NRXN3: variants seen among roughly 807,000 people sequenced by gnomAD.
The protein encoded by NRXN3 is neurexin III.
NRXN3 carries 32 observed loss-of-function variants against 137.6 expected under a neutral mutation model. That is an observed-to-expected ratio of 0.23 (90% CI 0.18 to 0.31). NRXN3 has a LOEUF of 0.31. Among genes scored for constraint, NRXN3 ranks in the 10% least tolerant of loss-of-function variants. NRXN3 has a pLI of 1.00. For synonymous variants in NRXN3, 798 were observed against 784.5 expected (o/e 1.02, Z -0.29); for missense variants, 1,574 against 2,062.5 (o/e 0.76, Z 4.59).
At chr14:78,664,918 GT>G (rs1381010259) in intron 6 of NRXN3, among the ~76,000 whole-genome samples, 1 of 152,160 alleles carries the variant, frequency 6.6e-6, no homozygotes, top group Non-Finnish European at 1.5e-5. Context: ...TAGAATTATT[GT>G]TCCAAAGTTC....
chr14:78,378,517 A>T (rs2088362191), intron 4 of NRXN3, among the ~76,000 whole-genome samples: 1 of 151,930 alleles, frequency 6.6e-6, no homozygotes. Flanking sequence ...AAATCATTAA[A>T]CCAAATGAAA....
intron 11 of NRXN3, among the ~76,000 whole-genome samples, chr14:78,962,232 A>C (rs1447179058): frequency 6.6e-6 from 1 of 152,240 alleles, no homozygotes; most frequent in African/African-American, 2.4e-5. Context: ...CAAACTGCTT[A>C]ACCTCTGCAA....
At chr14:79,352,094 G>T (rs537501423) in intron 15 of NRXN3, among the ~76,000 whole-genome samples, 4 of 152,314 alleles carry the variant, frequency 2.6e-5, no homozygotes, top group East Asian at 3.9e-4. Flanking sequence ...CAAATAAATT[G>T]CTGGAGCAGG....
intron 8 of NRXN3, among the ~76,000 whole-genome samples, chr14:78,754,439 C>A (rs549425912): frequency 6.6e-6 from 1 of 152,290 alleles, no homozygotes; most frequent in South Asian, 2.1e-4. Context: ...ACAGGCTTTG[C>A]ACATTCTCTT....
intron 4 of NRXN3, among the ~76,000 whole-genome samples, chr14:78,549,126 G>T (rs1472101310): frequency 2.6e-5 from 4 of 152,084 alleles, no homozygotes; most frequent in South Asian, 2.1e-4. Context: ...ATGTTTTTTG[G>T]TGTGCTGTCA....
At chr14:79,290,623 A>G (rs1438965205) in intron 15 of NRXN3, among the ~76,000 whole-genome samples, 1 of 151,804 alleles carries the variant, frequency 6.6e-6, no homozygotes, top group Non-Finnish European at 1.5e-5. Flanking sequence ...AAGAGGAACT[A>G]AAGAGATTCC....
intron 16 of NRXN3, among the ~76,000 whole-genome samples, chr14:79,518,217 A>G (rs533281745): frequency 1.1e-4 from 17 of 151,648 alleles, no homozygotes; most frequent in African/African-American, 3.1e-4. Context: ...CTTTTCTTTT[A>G]TATTTTTTTA....
In NRXN3 at chr14:79,471,780, G is replaced by T. The variant is rs370939714; in HGVS notation, c.3444+4378G>T. ...TTGTGTCCTAGATTGAGTAACTGGG[G>T]CAAATGAAGAAAGGGTCACCAAGAC... On this transcript the variant is annotated intron_variant, in intron 16 of 20. Coordinates refer to ENST00000335750, the MANE Select transcript of NRXN3 (RefSeq NM_001330195.2). 1.4e-4 allele frequency among the ~76,000 whole-genome samples: 21 copies of T among 152,224 alleles called. No homozygotes were observed. The South Asian group carries it at 2.3e-3, about 17-fold the overall frequency.
At chr14:79,395,470 G>T (rs768037204) in intron 15 of NRXN3, among the ~76,000 whole-genome samples, 1 of 152,068 alleles carries the variant, frequency 6.6e-6, no homozygotes, top group Non-Finnish European at 1.5e-5. Context: ...GCTAAGCCTA[G>T]TAAAAGATGT....
chr14:79,414,518 T>A (rs1307053593), intron 15 of NRXN3, among the ~76,000 whole-genome samples: 2 of 152,124 alleles, frequency 1.3e-5, no homozygotes, highest in Non-Finnish European at 2.9e-5. Flanking sequence ...GTTAAAGCAA[T>A]CGTAGCAAAA....
At chr14:79,793,976 A>G (rs1003343747) in intron 19 of NRXN3, among the ~76,000 whole-genome samples, 1 of 152,194 alleles carries the variant, frequency 6.6e-6, no homozygotes, top group Non-Finnish European at 1.5e-5. Flanking sequence ...TGATGCATGC[A>G]CATTCTACCA....
chr14:79,430,541 A>G (rs1245206323), intron 15 of NRXN3, among the ~76,000 whole-genome samples: 1 of 152,174 alleles, frequency 6.6e-6, no homozygotes, highest in Admixed American at 6.5e-5. Flanking sequence ...AATGAATCAT[A>G]AAGGTCACAT....
chr14:78,624,548 A>C (rs2097436324), intron 4 of NRXN3, among the ~76,000 whole-genome samples: 1 of 152,198 alleles, frequency 6.6e-6, no homozygotes, highest in South Asian at 2.1e-4. Flanking sequence ...CAGTGGGAAC[A>C]TGCTCCCCTC....
rs117073446 is a variant in NRXN3 at position 78,449,885 on chromosome 14, G to A, written c.757+152025G>A. On this transcript the variant is annotated intron_variant, in intron 4 of 20. Transcript: ENST00000335750. ...AATGGGGCTGGAATTAATATCTCTC[G>A]ATTCTCAATTCAGTGTTCTTTGTAT... Among the ~76,000 whole-genome samples the A allele has an allele frequency of 7.6e-4, 116 of 152,258 alleles. 3 individuals carry two copies. The East Asian group carries it at 0.021, about 28-fold the overall frequency.
chr14:79,326,348 T>C (rs1264646170), intron 15 of NRXN3, among the ~76,000 whole-genome samples: 1 of 152,208 alleles, frequency 6.6e-6, no homozygotes, highest in Admixed American at 6.5e-5. Context: ...GATATATGTG[T>C]ATATATTGTT....
chr14:79,786,364 G>C (rs547760725), intron 19 of NRXN3, among the ~76,000 whole-genome samples: 1 of 152,156 alleles, frequency 6.6e-6, no homozygotes, highest in Admixed American at 6.5e-5. Flanking sequence ...TATAAATAGA[G>C]ATACACTTGT....
chr14:79,569,630 T>TGTGTGTGAGA (rs775452045), intron 16 of NRXN3, among the ~76,000 whole-genome samples: 13 of 135,676 alleles, frequency 9.6e-5, no homozygotes, highest in Non-Finnish European at 1.8e-4. Context: ...TGTGTGTGTG[T>TGTGTGTGAGA]GAGAGAGAGA....
chr14:78,389,563 C>T (rs961408147), intron 4 of NRXN3, among the ~76,000 whole-genome samples: 6 of 152,112 alleles, frequency 3.9e-5, no homozygotes, highest in African/African-American at 1.4e-4. Flanking sequence ...ATGTTTATGT[C>T]ATAGACCTAT....
chr14:79,673,577 ATCC>A (rs1159497840), intron 17 of NRXN3, among the ~76,000 whole-genome samples: 1 of 152,056 alleles, frequency 6.6e-6, no homozygotes, highest in African/African-American at 2.4e-5. Flanking sequence ...GTATTCCCCT[ATCC>A]TCATCACCGG....
Sources: gnomAD v4.1 joint callset for allele counts (sites outside exome capture counted in the v4.1 genomes callset) on GRCh38, gnomAD v4.1.1 for gene constraint, MANE v1.5 for transcripts, NCBI Gene and HGNC (gene_info 2026-07-23, HGNC 2026-07-21) for gene names.